DUSP22: variants seen among roughly 807,000 people sequenced by gnomAD.
DUSP22 encodes the protein dual specificity phosphatase 22.
In DUSP22, 24 loss-of-function variants were observed where a neutral mutation model predicts 24.5. The ratio of observed to expected loss-of-function variants is 0.98; its 90% CI spans 0.71 to 1.38. DUSP22 has a LOEUF of 1.38. DUSP22 is among the 40% of genes most tolerant of loss of function. The pLI, the probability that DUSP22 is intolerant of heterozygous loss-of-function variation, is 0.00. For synonymous variants in DUSP22, 160 were observed against 106.4 expected (o/e 1.50, Z -3.10); for missense variants, 330 against 269.2 (o/e 1.23, Z -1.58).
intron 1 of DUSP22, among the ~76,000 whole-genome samples, chr6:302,718 G>A (rs1012083222): frequency 2.3e-4 from 35 of 152,414 alleles, no homozygotes; most frequent in African/African-American, 8.2e-4. Flanking sequence ...AAATCGCCTA[G>A]TGATTATAAC....
At chr6:330,422 A>G (rs1346685070) in intron 3 of DUSP22, among the ~76,000 whole-genome samples, 5 of 152,300 alleles carry the variant, frequency 3.3e-5, no homozygotes, top group African/African-American at 1.2e-4. Flanking sequence ...GGCTCTTGAG[A>G]AGACTCTCCT....
intron 3 of DUSP22, among the ~76,000 whole-genome samples, chr6:315,225 G>A (rs1033640622): frequency 2.0e-5 from 3 of 152,308 alleles, no homozygotes; most frequent in Non-Finnish European, 4.4e-5. Context: ...GGACCTTCAA[G>A]CTCTCTAGTA....
chr6:300,749 C>T (rs113960805), intron 1 of DUSP22, among the ~76,000 whole-genome samples: 1 of 152,310 alleles, frequency 6.6e-6, no homozygotes, highest in East Asian at 1.9e-4. Flanking sequence ...GTGCACTCTT[C>T]TGCATTTATG....
At chr6:324,166 G>T (rs1470248925) in intron 3 of DUSP22, among the ~76,000 whole-genome samples, 2 of 152,310 alleles carry the variant, frequency 1.3e-5, no homozygotes, top group Admixed American at 6.5e-5. Context: ...GGCTACCCCA[G>T]TGAGTGTCCT....
intron 5 of DUSP22, among the ~76,000 whole-genome samples, 190 bp from the exon 6 acceptor site, chr6:347,913 C>A (rs1183633967): frequency 6.6e-6 from 1 of 152,288 alleles, no homozygotes; most frequent in Admixed American, 6.5e-5. Flanking sequence ...ATTCTAGTGC[C>A]AGGAAGCATA....
chr6:302,204 T>G (rs181176229), intron 1 of DUSP22, among the ~76,000 whole-genome samples: 2 of 152,416 alleles, frequency 1.3e-5, no homozygotes, highest in African/African-American at 4.8e-5. Flanking sequence ...TTTCCTGTTT[T>G]TCATACCATT....
At chr6:341,856 C>T (rs923643713) in intron 4 of DUSP22, among the ~76,000 whole-genome samples, 4 of 152,304 alleles carry the variant, frequency 2.6e-5, no homozygotes, top group East Asian at 1.9e-4. Context: ...CACGCCCACT[C>T]GGCTCTCTGG....
chr6:318,209 G>T (rs1758421736), intron 3 of DUSP22, among the ~76,000 whole-genome samples: 1 of 152,306 alleles, frequency 6.6e-6, no homozygotes, highest in African/African-American at 2.4e-5. Flanking sequence ...ACCTTTGCTT[G>T]TCATTAAAAG....
chr6:346,443 C>CAT (rs1554102809), intron 5 of DUSP22, among the ~76,000 whole-genome samples: 4 of 152,268 alleles, frequency 2.6e-5, no homozygotes, highest in African/African-American at 9.6e-5. Flanking sequence ...CACACACACA[C>CAT]ACACACACAC....
At chr6:319,328 T>A (rs188933702) in intron 3 of DUSP22, among the ~76,000 whole-genome samples, 2 of 152,424 alleles carry the variant, frequency 1.3e-5, no homozygotes, top group Admixed American at 1.3e-4. Flanking sequence ...GGCTGCGCTG[T>A]GTTCATAGAT....
intron 3 of DUSP22, among the ~76,000 whole-genome samples, chr6:321,683 A>C (rs1758594856): frequency 6.6e-6 from 1 of 152,304 alleles, no homozygotes; most frequent in African/African-American, 2.4e-5. Flanking sequence ...ATGGAATTGA[A>C]AGCAAAAGAA....
chr6:346,019 C>T, intron 5 of DUSP22, 91 bp downstream of exon 5: 1 of 1,505,366 alleles, frequency 6.6e-7, no homozygotes, highest in Non-Finnish European at 9.2e-7. Context: ...ATAATGGTTT[C>T]ACCTCCTAAT....
chr6:346,065 C>G (rs1209413501), intron 5 of DUSP22, 137 bp downstream of exon 5: 3 of 1,102,454 alleles, frequency 2.7e-6, no homozygotes, highest in Non-Finnish European at 4.0e-6. Flanking sequence ...AACGCGTGCT[C>G]CATTTGTCCA....
chr6:349,534 C>G lies in DUSP22; in HGVS notation c.*583C>G. 3.0e-6 allele frequency: 3 copies of G among 991,604 alleles called. No individual in the cohort carries two copies. The highest frequency in any genetic ancestry group is 3.6e-6 in the Non-Finnish European group (3 of 834,198). The allele number at this position is 991,604 out of a possible 1,614,324, so 61.4% of individuals were successfully genotyped here. ...AACTCAGGGGACGAGTGGCTAAGAG[C>G]ATGGCCTCTCCCAGAACCCACCCAG... On this transcript the variant is annotated 3_prime_UTR_variant, in exon 7 of 7. Coordinates refer to ENST00000419235, the MANE Select transcript of DUSP22 (RefSeq NM_001286555.3).
intron 3 of DUSP22, among the ~76,000 whole-genome samples, chr6:324,400 G>T (rs1023039071): frequency 6.6e-6 from 1 of 152,300 alleles, no homozygotes; most frequent in Non-Finnish European, 1.5e-5. Context: ...ACCTGCTGCC[G>T]CGAACCTCAG....
At chr6:332,038 A>G (rs946947976) in intron 3 of DUSP22, among the ~76,000 whole-genome samples, 1 of 152,296 alleles carries the variant, frequency 6.6e-6, no homozygotes, top group Non-Finnish European at 1.5e-5. Flanking sequence ...GGTGCTTTAC[A>G]GTATTTTTCT....
chr6:326,121 T>A (rs1758859162), intron 3 of DUSP22: 1 of 246,024 alleles, frequency 4.1e-6, no homozygotes, highest in African/African-American at 2.4e-5. Flanking sequence ...TATCTGCTGG[T>A]GCCTGGAGAG....
intron 6 of DUSP22, 40 bp downstream of exon 6, chr6:348,314 G>A (rs1467354076): frequency 1.2e-6 from 2 of 1,611,466 alleles, no homozygotes; most frequent in Non-Finnish European, 8.5e-7. Context: ...GCAGGCAGGT[G>A]CCCCTGAACG....
At chr6:321,375 G>A (rs1266981985) in intron 3 of DUSP22, among the ~76,000 whole-genome samples, 1 of 152,304 alleles carries the variant, frequency 6.6e-6, no homozygotes, top group East Asian at 1.9e-4. Flanking sequence ...CATGAACAAA[G>A]CCAGGTGACA....
Sources: allele counts gnomAD v4.1 joint callset (sites outside exome capture counted in the v4.1 genomes callset), GRCh38; gene constraint gnomAD v4.1.1; transcripts MANE v1.5; gene names NCBI Gene and HGNC (gene_info 2026-07-23, HGNC 2026-07-21).